Variants in DPP9 observed in about 807,000 individuals in gnomAD.
DPP9 encodes the protein dipeptidyl peptidase 9, also known as dipeptidyl peptidase IV-related protein-2.
A neutral mutation model predicts 110.7 loss-of-function variants in DPP9; 50 were observed. The observed-to-expected ratio is 0.45, with a 90% CI of 0.36 to 0.57. The LOEUF (loss-of-function observed/expected upper bound fraction) is 0.57. Ranked by LOEUF, DPP9 falls within the 20% of genes least tolerant of loss-of-function variation. The pLI, the probability that DPP9 is intolerant of heterozygous loss-of-function variation, is 0.00. For missense variants in DPP9, 1,022 were observed against 1,217.9 expected (o/e 0.84, Z 2.39); for synonymous variants, 561 against 514.4 (o/e 1.09, Z -1.23).
chr19:4,700,105 G>T lies in DPP9; in HGVS notation c.1074+111C>A. On this transcript the variant is annotated intron_variant, in intron 10 of 21. Coordinates refer to ENST00000262960, the MANE Select transcript of DPP9 (RefSeq NM_139159.5). The surrounding 1 kb of genome is among the most constrained non-coding windows in gnomAD (Gnocchi z 4.3). ...GGACCGGGCGGCAGGGCTGGGGCCT[G>T]GGGAGTGCCCCCGAGAGGGAGGTGA... 2 of 837,990 alleles carry T rather than the reference G, an allele frequency of 2.4e-6. No individual in the cohort carries two copies. Among genetic ancestry groups the T allele is most frequent in the South Asian group, 2.3e-5 (1 of 44,388 alleles). The allele number at this position is 837,990 out of a possible 1,614,324, so 51.9% of individuals were successfully genotyped here. A position where few individuals can be genotyped will look rare whatever the true frequency, so the allele number is the denominator to read the frequency against.
intron 2 of DPP9, among the ~76,000 whole-genome samples, chr19:4,721,331 T>C (rs556303654): frequency 6.6e-6 from 1 of 152,346 alleles, no homozygotes; most frequent in Non-Finnish European, 1.5e-5. Context: ...GCCCAGACCA[T>C]GCCTGGTCCT....
At position 4,700,111 on chromosome 19, in the gene DPP9, T is replaced by A; in HGVS notation, c.1074+105A>T. 1 of 878,958 alleles carries A rather than the reference T, an allele frequency of 1.1e-6. No individual in the cohort carries two copies. The highest frequency in any genetic ancestry group is 1.6e-6 in the Non-Finnish European group (1 of 608,172). The allele number at this position is 878,958 out of a possible 1,614,324, so 54.4% of individuals were successfully genotyped here. ...GGCGGCAGGGCTGGGGCCTGGGGAG[T>A]GCCCCCGAGAGGGAGGTGAGTGACC... is the stretch of plus-strand genomic sequence containing the variant. On this transcript the variant is annotated intron_variant, in intron 10 of 21. Transcript: ENST00000262960. This position sits in a 1 kb window ranked among gnomAD's most constrained non-coding sequence, Gnocchi z 4.3.
rs1247886230 is a variant in DPP9, at chr19:4,689,752, C to T, written c.1597-30G>A. 12 of 1,531,288 alleles carry T rather than the reference C, an allele frequency of 7.8e-6. No homozygotes were observed. In the East Asian group the frequency reaches 2.0e-4, roughly 25 times the overall value. 94.9% of individuals were successfully genotyped at this position (1,531,288 alleles called of 1,614,324 possible). A position where few individuals can be genotyped will look rare whatever the true frequency, so the allele number is the denominator to read the frequency against. The stretch of plus-strand genomic sequence containing the variant: ...AGGGGGACAGGGGATCCTCGTGATG[C>T]GTCCCAGATGCCCCTGGGCCCACAC... On this transcript the variant is annotated intron_variant, in intron 14 of 21. Transcript: ENST00000262960. This position sits in a 1 kb window ranked among gnomAD's most constrained non-coding sequence, Gnocchi z 7.0.
chr19:4,720,393 C>A (rs1270362779), intron 2 of DPP9, among the ~76,000 whole-genome samples: 1 of 152,196 alleles, frequency 6.6e-6, no homozygotes, highest in African/African-American at 2.4e-5. Flanking sequence ...AGCTTCTGCA[C>A]GACGCACCCC....
At position 4,679,861 on chromosome 19, in the gene DPP9, G is replaced by A; in HGVS notation, c.2560C>T (p.Arg854Ter). The change falls in exon 21 of 22, where the codon CGA becomes TGA. Residue 854 changes from arginine (R) to a stop codon, truncating the protein, a stop_gained. Coordinates refer to ENST00000262960, the MANE Select transcript of DPP9 (RefSeq NM_139159.5). LOFTEE classifies it high-confidence loss of function. ...HTNFLVSQLI[R>*]AGKPYQLQIY... ...TGGAGCTGGTAAGGTTTCCCTGCTC[G>A]GATCAGTTGGGAGACGAGGAAGTTT... is the stretch of plus-strand genomic sequence containing the variant. 6.2e-7 allele frequency: 1 copy of A among 1,613,136 alleles called. No individual in the cohort carries two copies. The highest frequency in any genetic ancestry group is 8.5e-7 in the Non-Finnish European group (1 of 1,179,634).
intron 4 of DPP9, among the ~76,000 whole-genome samples, chr19:4,707,609 A>G (rs1599930926): frequency 8.9e-6 from 1 of 112,936 alleles, no homozygotes; most frequent in Admixed American, 1.1e-4. Flanking sequence ...ACCTCCTCAT[A>G]CTCGCTTTTT....
chr19:4,714,356 G>C lies in DPP9; in HGVS notation c.57-19C>G. The stretch of plus-strand genomic sequence containing the variant: ...CGAGAAGCTGCGGGGAGGAAGCAAA[G>C]ACTATGAGAAAGGAGAACTGTTTTA... On this transcript the variant is annotated intron_variant, in intron 3 of 21. Coordinates refer to ENST00000262960, the MANE Select transcript of DPP9 (RefSeq NM_139159.5). 6.8e-7 allele frequency: 1 copy of C among 1,473,964 alleles called. No individual in the cohort carries two copies. Among genetic ancestry groups the C allele is most frequent in the Non-Finnish European group, 9.0e-7 (1 of 1,113,626 alleles). 91.3% of individuals were successfully genotyped at this position (1,473,964 alleles called of 1,614,324 possible). A position where few individuals can be genotyped will look rare whatever the true frequency, so the allele number is the denominator to read the frequency against.
chr19:4,711,374 A>G (rs1001627447), intron 4 of DPP9, among the ~76,000 whole-genome samples: 1 of 152,144 alleles, frequency 6.6e-6, no homozygotes, highest in African/African-American at 2.4e-5. Context: ...AGGCTACGTT[A>G]CACAGAGAGA....
intron 2 of DPP9, 22 bp downstream of exon 2, chr19:4,722,477 G>A: frequency 1.4e-6 from 1 of 702,864 alleles, no homozygotes. Context: ...CTTCCTGGCT[G>A]CCAAACCCCA....
intron 4 of DPP9, among the ~76,000 whole-genome samples, chr19:4,711,119 G>A (rs1389981043): frequency 6.6e-6 from 1 of 152,196 alleles, no homozygotes; most frequent in African/African-American, 2.4e-5. Context: ...TGGGCAGCGA[G>A]GTGGGGTGGA....
chr19:4,683,522 G>GC lies in DPP9; in HGVS notation c.2285dup (p.Phe763LeufsTer35). The GC allele has an allele frequency of 1.2e-6, 2 of 1,613,292 alleles. No individual in the cohort carries two copies. Among genetic ancestry groups the GC allele is most frequent in the Non-Finnish European group, 1.7e-6 (2 of 1,179,862 alleles). On this transcript the variant is annotated frameshift_variant, in exon 19 of 22. Coordinates refer to ENST00000262960, the MANE Select transcript of DPP9 (RefSeq NM_139159.5). LOFTEE classifies it high-confidence loss of function. ...GGATTAGCCCCATGAGCGAGAGGAA[G>GC]CCCCCGTAGGACCAGCCATGGATGG...
At chr19:4,716,359 C>A (rs1207830130) in intron 3 of DPP9, among the ~76,000 whole-genome samples, 1 of 152,126 alleles carries the variant, frequency 6.6e-6, no homozygotes, top group African/African-American at 2.4e-5. Context: ...AGGACTTGGC[C>A]GGGCACAGTG....
At chr19:4,706,841 C>T (rs1032536018) in intron 4 of DPP9, among the ~76,000 whole-genome samples, 1 of 152,140 alleles carries the variant, frequency 6.6e-6, no homozygotes, top group Admixed American at 6.5e-5. Context: ...GAAGCGTGCA[C>T]CTGGTCCAGT....
At chr19:4,680,235 CAAA>C (rs71168922) in intron 20 of DPP9, among the ~76,000 whole-genome samples, 10 of 70,858 alleles carry the variant, frequency 1.4e-4, no homozygotes, top group Admixed American at 3.4e-4. Flanking sequence ...GACAGCATCT[CAAA>C]AAAAAAAAAA....
intron 18 of DPP9, chr19:4,683,847 G>A (rs2090283599): frequency 6.5e-7 from 1 of 1,528,644 alleles, no homozygotes; most frequent in South Asian, 1.2e-5. Context: ...CCAGGTGAGT[G>A]GCTCTGGGAG....
intron 5 of DPP9, among the ~76,000 whole-genome samples, chr19:4,705,378 C>G (rs1051177382): frequency 1.3e-5 from 2 of 152,244 alleles, no homozygotes; most frequent in East Asian, 3.9e-4. Flanking sequence ...GCGAGTGCCA[C>G]CAGGCCTGGC....
Position 4,682,802 on chromosome 19 carries a change from C to A in DPP9, c.2368G>T (p.Ala790Ser). ...IAGAPVTVWM[A>S]YDTGYTERYM... ...CGCTCAGTGTACCCTGTGTCGTAGGCCATCCAGACGGTGACCGGGGCACCC... is the reference window on the plus strand; with the variant it reads ...CGCTCAGTGTACCCTGTGTCGTAGGACATCCAGACGGTGACCGGGGCACCC... The change falls in exon 20 of 22, where the codon GCC (alanine) becomes TCC (serine). Residue 790 changes from alanine to serine, a missense_variant. This residue lies in a region of DPP9 where 209 missense variants were observed against 280.4 expected (regional missense o/e 0.75). Coordinates refer to ENST00000262960, the MANE Select transcript of DPP9 (RefSeq NM_139159.5). The surrounding 1 kb of genome is among the most constrained non-coding windows in gnomAD (Gnocchi z 7.1). 6.3e-7 allele frequency: 1 copy of A among 1,596,080 alleles called. No homozygotes were observed.
rs1433597418 is a variant in DPP9 at position 4,687,800 on chromosome 19, A to G, written c.1885+957T>C. ...CCCTGCATGGACCACCACTGTTCAA[A>G]AGGTTTTTTTTTTTTGAGACGGAGT... On this transcript the variant is annotated intron_variant, in intron 16 of 21. Coordinates refer to ENST00000262960, the MANE Select transcript of DPP9 (RefSeq NM_139159.5). The surrounding 1 kb of genome is among the most constrained non-coding windows in gnomAD (Gnocchi z 4.7). 6.6e-6 allele frequency among the ~76,000 whole-genome samples: 1 copy of G among 152,172 alleles called. No homozygotes were observed. The highest frequency in any genetic ancestry group is 1.9e-4 in the East Asian group (1 of 5,174).
rs767554986 is a variant in DPP9, at chr19:4,689,549, C to G, written c.1749+21G>C. The G allele has an allele frequency of 5.8e-6, 9 of 1,545,622 alleles. No individual in the cohort carries two copies. The Admixed American group carries it at 1.8e-4, about 30-fold the overall frequency. On this transcript the variant is annotated intron_variant, in intron 15 of 21. Transcript: ENST00000262960. This position sits in a 1 kb window ranked among gnomAD's most constrained non-coding sequence, Gnocchi z 7.0. ...CTGTTGGACGGGCACAGGGCGGTGC[C>G]GTGAGGCTGGGCGGTCCCACCTGGC... is the stretch of plus-strand genomic sequence containing the variant.
Sources: allele counts gnomAD v4.1 joint callset (sites outside exome capture counted in the v4.1 genomes callset), GRCh38; gene constraint gnomAD v4.1.1; regional missense constraint gnomAD v4.1.1; non-coding constraint Gnocchi (gnomAD v3.1); transcripts MANE v1.5; gene names NCBI Gene and HGNC (gene_info 2026-07-23, HGNC 2026-07-21).